TYW1B: variants seen among roughly 807,000 people sequenced by gnomAD.
TYW1B encodes the protein tRNA-yW synthesizing protein 1 homolog B.
Under a neutral mutation model 86.9 loss-of-function variants are expected in TYW1B, and 73 were observed. That is an observed-to-expected ratio of 0.84 (90% CI 0.70 to 1.02). TYW1B has a LOEUF of 1.02. TYW1B is among the 50% of genes least tolerant of loss of function. The pLI is 0.00. For synonymous variants in TYW1B, 248 were observed against 292.8 expected (o/e 0.85, Z 1.56); for missense variants, 637 against 827.4 (o/e 0.77, Z 2.82).
chr7:72,795,427 CA>C (rs1236624261), intron 6 of TYW1B, among the ~76,000 whole-genome samples: 1 of 151,780 alleles, frequency 6.6e-6, no homozygotes, highest in Non-Finnish European at 1.5e-5. Flanking sequence ...TTGACATTTA[CA>C]AAGTCTAAAA....
chr7:72,660,018 G>A (rs1813293601), intron 11 of TYW1B, among the ~76,000 whole-genome samples: 1 of 152,100 alleles, frequency 6.6e-6, no homozygotes, highest in Non-Finnish European at 1.5e-5. Flanking sequence ...AATGGTCTCT[G>A]TGGCAGCTAC....
chr7:72,738,014 T>C (rs1229309500), intron 8 of TYW1B, among the ~76,000 whole-genome samples: 5 of 152,012 alleles, frequency 3.3e-5, no homozygotes, highest in Non-Finnish European at 7.4e-5. Flanking sequence ...GACCTTGTGA[T>C]CTGCCCGCCT....
At chr7:72,634,082 A>G (rs1422659950) in intron 11 of TYW1B, among the ~76,000 whole-genome samples, 4 of 152,130 alleles carry the variant, frequency 2.6e-5, no homozygotes, top group African/African-American at 9.7e-5. Flanking sequence ...TGAACACACT[A>G]CTAGCGAACG....
At chr7:72,604,443 C>T (rs1585840996) in intron 13 of TYW1B, among the ~76,000 whole-genome samples, 1 of 151,992 alleles carries the variant, frequency 6.6e-6, no homozygotes, top group Non-Finnish European at 1.5e-5. Context: ...ATCTGGGCGA[C>T]AGAGTGAGAC....
At chr7:72,580,190 G>A (rs1489669688) in intron 13 of TYW1B, among the ~76,000 whole-genome samples, 1 of 152,128 alleles carries the variant, frequency 6.6e-6, no homozygotes, top group Non-Finnish European at 1.5e-5. Context: ...AACCACATGT[G>A]CCACCTCTCA....
rs1290403326 is a variant in TYW1B at position 72,725,807 on chromosome 7, C to T, written c.1192+3015G>A. 3.9e-5 allele frequency among the ~76,000 whole-genome samples: 6 copies of T among 152,146 alleles called. No homozygotes were observed. In the East Asian group the frequency reaches 9.6e-4, roughly 24 times the overall value. The stretch of plus-strand genomic sequence containing the variant: ...AGAGATGTTGAACTCACCAAGCCTC[C>T]ACAAATACATTAGCCAACTCCTAAA... On this transcript the variant is annotated intron_variant, in intron 9 of 13. Coordinates refer to ENST00000620995, the MANE Select transcript of TYW1B (RefSeq NM_001145440.3).
chr7:72,613,646 G>A (rs1554436368), intron 13 of TYW1B, among the ~76,000 whole-genome samples: 2 of 151,928 alleles, frequency 1.3e-5, no homozygotes, highest in Non-Finnish European at 2.9e-5. Flanking sequence ...GACCTCAAGT[G>A]ATCTGCCCAC....
chr7:72,684,922 C>T (rs1425591772), intron 11 of TYW1B, among the ~76,000 whole-genome samples: 14 of 151,994 alleles, frequency 9.2e-5, no homozygotes, highest in African/African-American at 3.4e-4. Context: ...ACCAGCCTGG[C>T]CAACATGGTA....
chr7:72,690,081 T>A (rs1409285987), intron 11 of TYW1B, among the ~76,000 whole-genome samples: 1 of 152,218 alleles, frequency 6.6e-6, no homozygotes, highest in African/African-American at 2.4e-5. Context: ...TAAGGTGCAA[T>A]GCAAGAAATT....
chr7:72,592,642 C>A (rs1554431724), intron 13 of TYW1B, among the ~76,000 whole-genome samples: 1 of 152,152 alleles, frequency 6.6e-6, no homozygotes. Flanking sequence ...TCTATGCTAT[C>A]TACAATAGAT....
At chr7:72,728,670 A>C (rs1198022068) in intron 9 of TYW1B, among the ~76,000 whole-genome samples, 152 bp downstream of exon 9, 2 of 152,218 alleles carry the variant, frequency 1.3e-5, no homozygotes, top group Non-Finnish European at 2.9e-5. Context: ...CTAAAAAGGC[A>C]AAATATATAT....
At chr7:72,680,026 G>C (rs1210952954) in intron 11 of TYW1B, among the ~76,000 whole-genome samples, 4 of 152,194 alleles carry the variant, frequency 2.6e-5, no homozygotes, top group African/African-American at 9.6e-5. Context: ...CTACTTGGGA[G>C]GCTGAAGTGG....
At chr7:72,646,930 G>A (rs1448087836) in intron 11 of TYW1B, among the ~76,000 whole-genome samples, 2 of 152,192 alleles carry the variant, frequency 1.3e-5, no homozygotes, top group South Asian at 4.1e-4. Context: ...ATGAGTTAGA[G>A]TTCTGTTGCT....
intron 8 of TYW1B, among the ~76,000 whole-genome samples, chr7:72,733,469 C>T (rs1401811598): frequency 3.9e-5 from 6 of 152,084 alleles, no homozygotes; most frequent in Non-Finnish European, 7.4e-5. Context: ...ACCATCCTGG[C>T]TAATACGGTG....
chr7:72,731,029 G>A (rs189923772), intron 8 of TYW1B, among the ~76,000 whole-genome samples: 2 of 145,966 alleles, frequency 1.4e-5, no homozygotes, highest in East Asian at 2.0e-4. Context: ...AAAGCATCAC[G>A]TCACATGTAA....
intron 7 of TYW1B, among the ~76,000 whole-genome samples, chr7:72,774,224 T>A (rs1787914066): frequency 6.6e-6 from 1 of 152,006 alleles, no homozygotes; most frequent in Non-Finnish European, 1.5e-5. Context: ...AATCTAAAGA[T>A]GCACAAGGCA....
intron 11 of TYW1B, among the ~76,000 whole-genome samples, chr7:72,669,724 C>G (rs562448117): frequency 8.9e-4 from 136 of 151,986 alleles, no homozygotes; most frequent in South Asian, 1.9e-3. Flanking sequence ...GAGCTGAGAT[C>G]ACGCCACTGC....
chr7:72,742,048 G>A (rs1191582098), intron 8 of TYW1B, among the ~76,000 whole-genome samples: 2 of 152,096 alleles, frequency 1.3e-5, no homozygotes, highest in Non-Finnish European at 2.9e-5. Flanking sequence ...AATATACAAA[G>A]AACAACATAA....
chr7:72,618,983 TCCA>T (rs782717516), intron 12 of TYW1B, among the ~76,000 whole-genome samples: 8 of 152,248 alleles, frequency 5.3e-5, no homozygotes, highest in South Asian at 2.1e-4. Flanking sequence ...AGCCCGAATT[TCCA>T]CCACATTTCA....
Sources: allele counts gnomAD v4.1 joint callset (sites outside exome capture counted in the v4.1 genomes callset), GRCh38; gene constraint gnomAD v4.1.1; transcripts MANE v1.5; gene names NCBI Gene and HGNC (gene_info 2026-07-23, HGNC 2026-07-21).